Variants in DLGAP2 observed in about 807,000 individuals in gnomAD.
DLGAP2 encodes the protein DLG associated protein 2.
In DLGAP2, 26 loss-of-function variants were observed where a neutral mutation model predicts 100.3. The observed-to-expected ratio is 0.26, with a 90% CI of 0.19 to 0.36. The LOEUF (loss-of-function observed/expected upper bound fraction) is 0.36. Ranked by LOEUF, DLGAP2 falls within the 10% of genes least tolerant of loss-of-function variation. The pLI, the probability that DLGAP2 is intolerant of heterozygous loss-of-function variation, is 1.00. For synonymous variants in DLGAP2, 886 were observed against 630.1 expected (o/e 1.41, Z -6.08); for missense variants, 1,858 against 1,453.2 (o/e 1.28, Z -4.53).
intron 1 of DLGAP2, among the ~76,000 whole-genome samples, chr8:817,754 G>A (rs1796509933): frequency 6.6e-6 from 1 of 152,352 alleles, no homozygotes; most frequent in Non-Finnish European, 1.5e-5. Context: ...CAGCCACCCG[G>A]TGGAGCTACT....
intron 3 of DLGAP2, among the ~76,000 whole-genome samples, chr8:1,310,858 A>T (rs1379130813): frequency 6.6e-6 from 1 of 152,206 alleles, no homozygotes; most frequent in Non-Finnish European, 1.5e-5. Context: ...CCACAGTGAC[A>T]TTAATAACAG....
At chr8:1,494,292 G>C (rs576579714) in intron 3 of DLGAP2, among the ~76,000 whole-genome samples, 1 of 152,178 alleles carries the variant, frequency 6.6e-6, no homozygotes, top group Non-Finnish European at 1.5e-5. Flanking sequence ...TTTTGCTTCC[G>C]CATTAGCATG....
chr8:864,454 G>A (rs183944937), intron 1 of DLGAP2, among the ~76,000 whole-genome samples: 15 of 152,322 alleles, frequency 9.8e-5, no homozygotes, highest in Admixed American at 9.8e-4. Flanking sequence ...CCATGAATAA[G>A]TACAACTATT....
chr8:1,559,561 G>T (rs1802089962), intron 5 of DLGAP2, among the ~76,000 whole-genome samples: 1 of 152,182 alleles, frequency 6.6e-6, no homozygotes, highest in Admixed American at 6.5e-5. Flanking sequence ...TCTTAAATCA[G>T]AAACAGAAAC....
intron 1 of DLGAP2, among the ~76,000 whole-genome samples, chr8:868,371 T>A (rs1797536064): frequency 6.6e-6 from 1 of 152,186 alleles, no homozygotes; most frequent in Non-Finnish European, 1.5e-5. Flanking sequence ...ACCTAGCACC[T>A]GTTCCTCCAG....
chr8:1,696,681 G>A (rs901323272), intron 13 of DLGAP2, among the ~76,000 whole-genome samples: 2 of 152,194 alleles, frequency 1.3e-5, no homozygotes, highest in African/African-American at 4.8e-5. Flanking sequence ...CATTACATTT[G>A]TAAGGTGTCA....
chr8:868,665 G>A (rs990339278), intron 1 of DLGAP2, among the ~76,000 whole-genome samples: 7 of 152,220 alleles, frequency 4.6e-5, no homozygotes, highest in African/African-American at 9.6e-5. Flanking sequence ...AAGGGTGCGC[G>A]GCACCTTGAA....
intron 2 of DLGAP2, among the ~76,000 whole-genome samples, chr8:1,107,256 C>A (rs1320199698): frequency 6.6e-6 from 1 of 152,188 alleles, no homozygotes; most frequent in Admixed American, 6.5e-5. Context: ...CAATAGCTCA[C>A]AGAGAGGCTG....
At chr8:1,166,391 C>T (rs1033565399) in intron 2 of DLGAP2, among the ~76,000 whole-genome samples, 8 of 152,290 alleles carry the variant, frequency 5.3e-5, no homozygotes, top group East Asian at 1.9e-4. Context: ...TTTAATAATG[C>T]GCCATCTGAT....
At chr8:842,727 G>T (rs1322107994) in intron 1 of DLGAP2, among the ~76,000 whole-genome samples, 1 of 151,976 alleles carries the variant, frequency 6.6e-6, no homozygotes, top group Non-Finnish European at 1.5e-5. Flanking sequence ...TTCATTTTTT[G>T]GGGATTTTCT....
intron 8 of DLGAP2, among the ~76,000 whole-genome samples, chr8:1,638,836 G>A (rs554713573): frequency 6.6e-6 from 1 of 152,232 alleles, no homozygotes; most frequent in African/African-American, 2.4e-5. Flanking sequence ...AGGGACAGAC[G>A]CAGAGAAGGC....
At chr8:863,489 G>A (rs1054202538) in intron 1 of DLGAP2, among the ~76,000 whole-genome samples, 1 of 152,158 alleles carries the variant, frequency 6.6e-6, no homozygotes, top group African/African-American at 2.4e-5. Context: ...CACACCACTT[G>A]GAATTAAAAT....
At chr8:1,383,493 C>A (rs1231162513) in intron 3 of DLGAP2, among the ~76,000 whole-genome samples, 2 of 152,172 alleles carry the variant, frequency 1.3e-5, no homozygotes, top group Admixed American at 6.5e-5. Flanking sequence ...GGCTGATAGG[C>A]CTTCGCTCAA....
chr8:900,362 A>T (rs966969759), intron 1 of DLGAP2, among the ~76,000 whole-genome samples: 3 of 149,050 alleles, frequency 2.0e-5, no homozygotes, highest in African/African-American at 7.5e-5. Flanking sequence ...CCTCCTCTTC[A>T]CGGGGTTGCT....
intron 4 of DLGAP2, among the ~76,000 whole-genome samples, chr8:1,537,771 AAGGAAG>A (rs1801206138): frequency 6.6e-6 from 1 of 152,022 alleles, no homozygotes; most frequent in Non-Finnish European, 1.5e-5. Flanking sequence ...GGAAGGAAGG[AAGGAAG>A]GAAGGAAGGA....
intron 2 of DLGAP2, among the ~76,000 whole-genome samples, chr8:908,453 A>T (rs1798422782): frequency 6.6e-6 from 1 of 152,146 alleles, no homozygotes; most frequent in Non-Finnish European, 1.5e-5. Flanking sequence ...CACTGGCATG[A>T]ATGTTTTGAA....
At chr8:1,178,001 G>A (rs980628798) in intron 2 of DLGAP2, among the ~76,000 whole-genome samples, 3 of 152,202 alleles carry the variant, frequency 2.0e-5, no homozygotes, top group Non-Finnish European at 2.9e-5. Flanking sequence ...GGCTGTGGCC[G>A]TGGCCAGTGG....
chr8:1,090,660 C>T (rs1804149604), intron 2 of DLGAP2, among the ~76,000 whole-genome samples: 1 of 152,236 alleles, frequency 6.6e-6, no homozygotes, highest in Non-Finnish European at 1.5e-5. Flanking sequence ...CCAGAGGCTG[C>T]TGTGCAGGTG....
At chr8:1,174,022 C>T (rs531469125) in intron 2 of DLGAP2, among the ~76,000 whole-genome samples, 1 of 152,122 alleles carries the variant, frequency 6.6e-6, no homozygotes, top group African/African-American at 2.4e-5. Context: ...GCCATCTTGG[C>T]TCCTCCGCTC....
Sources: gnomAD v4.1 joint callset for allele counts (sites outside exome capture counted in the v4.1 genomes callset) on GRCh38, gnomAD v4.1.1 for gene constraint, MANE v1.5 for transcripts, NCBI Gene and HGNC (gene_info 2026-07-23, HGNC 2026-07-21) for gene names.